The following PARP12 variants were observed in gnomAD, a reference collection of about 807,000 sequenced individuals.
PARP12 encodes the protein poly(ADP-ribose) polymerase family member 12, also known as protein mono-ADP-ribosyltransferase PARP12.
Under a neutral mutation model 72.4 loss-of-function variants are expected in PARP12, and 59 were observed. The observed-to-expected ratio is 0.81, with a 90% CI of 0.66 to 1.01. PARP12 has a LOEUF of 1.01. PARP12 is among the 50% of genes least tolerant of loss of function. PARP12 has a pLI of 0.00. For missense variants in PARP12, 851 were observed against 914.0 expected (o/e 0.93, Z 0.89); for synonymous variants, 403 against 371.4 (o/e 1.09, Z -0.98).
chr7:140,040,345 G>A (rs1013504688), intron 6 of PARP12, among the ~76,000 whole-genome samples: 9 of 152,332 alleles, frequency 5.9e-5, no homozygotes, highest in African/African-American at 2.2e-4. Context: ...AGGGAGACAG[G>A]TGGGAAAGGC....
At chr7:140,051,060 G>A (rs1304513464) in intron 4 of PARP12, among the ~76,000 whole-genome samples, 2 of 152,138 alleles carry the variant, frequency 1.3e-5, no homozygotes, top group African/African-American at 4.8e-5. Context: ...TCAGGAGCTG[G>A]GGGGAGGGAA....
At chr7:140,043,390 A>T (rs953908663) in intron 5 of PARP12, among the ~76,000 whole-genome samples, 1 of 152,238 alleles carries the variant, frequency 6.6e-6, no homozygotes, top group African/African-American at 2.4e-5. Context: ...CATCAAAAGT[A>T]TGAGTAAGAA....
In PARP12 at chr7:140,062,776, G is replaced by T. The variant is rs779004641; in HGVS notation, c.72C>A (p.Pro24=). The change falls in exon 1 of 12, where the codon CCC becomes CCA. Residue 24 remains proline (P), a synonymous_variant. Coordinates refer to ENST00000263549, the MANE Select transcript of PARP12 (RefSeq NM_022750.4). ...CCATCCGCAAGCGGCGCCGCAGCTC[G>T]GGCAACTCCAGGGCGCCCCCGGCCG... ...LCAAGGALEL[P]ELRRRLRMGL... 7.1e-6 allele frequency: 10 copies of T among 1,401,914 alleles called. No individual in the cohort carries two copies. The highest frequency in any genetic ancestry group is 9.3e-6 in the Non-Finnish European group (10 of 1,074,062). The allele number at this position is 1,401,914 out of a possible 1,614,324, so 86.8% of individuals were successfully genotyped here.
In PARP12 at chr7:140,058,005, G is replaced by A. The variant is rs762289053; in HGVS notation, c.356C>T (p.Thr119Ile). The change falls in exon 2 of 12, where the codon ACA becomes ATA. Residue 119 changes from threonine (T) to isoleucine (I), a missense_variant. Around this residue, in one of 3 missense-constraint regions of PARP12, gnomAD observed 492 missense variants for 489.3 expected, o/e 1.01. Coordinates refer to ENST00000263549, the MANE Select transcript of PARP12 (RefSeq NM_022750.4). ...GKNCRNSHSL[T>I]TEHNLSVLRT... ...CAGCACACTCAGGTTGTGTTCGGTT[G>A]TCAAGCTGTGACTATTCCTACAGTT... 28 of 1,614,256 alleles carry A rather than the reference G, an allele frequency of 1.7e-5. No homozygotes were observed. In the East Asian group the frequency reaches 6.0e-4, roughly 35 times the overall value.
intron 4 of PARP12, among the ~76,000 whole-genome samples, chr7:140,054,326 T>C (rs1381233144): frequency 6.6e-6 from 1 of 152,196 alleles, no homozygotes; most frequent in Non-Finnish European, 1.5e-5. Context: ...ATCACCCTTA[T>C]CTTTGTTCCC....
chr7:140,062,388 G>A, intron 1 of PARP12, 134 bp downstream of exon 1: 4 of 904,190 alleles, frequency 4.4e-6, no homozygotes, highest in Non-Finnish European at 4.8e-6. Flanking sequence ...TCGCTTTAGT[G>A]AATGACGGTG....
At chr7:140,042,089 G>A (rs1210178511) in intron 5 of PARP12, among the ~76,000 whole-genome samples, 2 of 152,178 alleles carry the variant, frequency 1.3e-5, no homozygotes, top group Non-Finnish European at 2.9e-5. Context: ...GAAGATGCTG[G>A]TGAAATCATT....
At chr7:140,041,580 T>C in intron 6 of PARP12, 64 bp downstream of exon 6, 1 of 1,504,564 alleles carries the variant, frequency 6.6e-7, no homozygotes, top group Non-Finnish European at 9.0e-7. Flanking sequence ...ATGGGGGCTC[T>C]TATTTGGCTC....
chr7:140,038,264 T>C, intron 6 of PARP12: 3 of 985,474 alleles, frequency 3.0e-6, no homozygotes, highest in Non-Finnish European at 3.6e-6. Flanking sequence ...GCAACCATCC[T>C]TTAATCAGAG....
chr7:140,055,315 T>C (rs896341020), intron 3 of PARP12, among the ~76,000 whole-genome samples: 4 of 152,160 alleles, frequency 2.6e-5, no homozygotes, highest in African/African-American at 9.7e-5. Context: ...ACAAGAGTAA[T>C]AAAAAGAAAG....
chr7:140,026,355 T>A lies in PARP12; in HGVS notation c.1629-7A>T, dbSNP rs1815738314. On this transcript the variant is annotated splice_polypyrimidine_tract_variant and splice_region_variant and intron_variant, in intron 10 of 11. Coordinates refer to ENST00000263549, the MANE Select transcript of PARP12 (RefSeq NM_022750.4). ...CTGCATCTGTCCTTTTTGCCTAGAA[T>A]CACAGAAGAATGTGTGCTGGGGGCA... 6.2e-7 allele frequency: 1 copy of A among 1,606,664 alleles called. No homozygotes were observed.
chr7:140,054,430 C>A (rs940123263), intron 4 of PARP12, among the ~76,000 whole-genome samples: 1 of 152,210 alleles, frequency 6.6e-6, no homozygotes, highest in African/African-American at 2.4e-5. Context: ...GTGCATGAAC[C>A]AGTTATGTTC....
intron 6 of PARP12, among the ~76,000 whole-genome samples, chr7:140,038,547 T>C (rs747176472): frequency 6.6e-6 from 1 of 152,184 alleles, no homozygotes; most frequent in Non-Finnish European, 1.5e-5. Context: ...AGGACTATAT[T>C]GTCCTCACAG....
chr7:140,042,865 T>C (rs569812574), intron 5 of PARP12, among the ~76,000 whole-genome samples: 1 of 152,132 alleles, frequency 6.6e-6, no homozygotes, highest in East Asian at 1.9e-4. Context: ...CAAACACACA[T>C]CCCCTCTGGA....
At chr7:140,042,506 T>C (rs965541527) in intron 5 of PARP12, among the ~76,000 whole-genome samples, 2 of 152,160 alleles carry the variant, frequency 1.3e-5, no homozygotes, top group African/African-American at 2.4e-5. Context: ...CCCAGGGCAG[T>C]ATCGATGAGT....
At chr7:140,026,402 C>T (rs367861448) in intron 10 of PARP12, 54 bp from the exon 11 acceptor site, 1 of 1,563,640 alleles carries the variant, frequency 6.4e-7, no homozygotes, top group Non-Finnish European at 8.6e-7. Context: ...CCACCAAATA[C>T]AGCCGGCCTG....
At chr7:140,034,422 T>C in intron 7 of PARP12, 91 bp from the exon 8 acceptor site, 1 of 1,114,464 alleles carries the variant, frequency 9.0e-7, no homozygotes, top group Non-Finnish European at 1.3e-6. Flanking sequence ...TTAGATAGAT[T>C]TGAAAGCTTA....
chr7:140,027,900 A>G (rs1186506962), intron 9 of PARP12, among the ~76,000 whole-genome samples: 1 of 152,114 alleles, frequency 6.6e-6, no homozygotes, highest in Non-Finnish European at 1.5e-5. Flanking sequence ...ACATGGTCCA[A>G]GGACCACAGA....
At chr7:140,039,580 G>C (rs1816370976) in intron 6 of PARP12, among the ~76,000 whole-genome samples, 1 of 152,230 alleles carries the variant, frequency 6.6e-6, no homozygotes, top group Non-Finnish European at 1.5e-5. Context: ...CATGTCCTGT[G>C]GCAGGACCAG....
Sources: gnomAD v4.1 joint callset for allele counts (sites outside exome capture counted in the v4.1 genomes callset) on GRCh38, gnomAD v4.1.1 for gene constraint, gnomAD v4.1.1 regional missense constraint, MANE v1.5 for transcripts, NCBI Gene and HGNC (gene_info 2026-07-23, HGNC 2026-07-21) for gene names.